The following ATG2A variants were observed in gnomAD, a reference collection of about 807,000 sequenced individuals.
ATG2A encodes the protein autophagy-related protein 2 homolog A.
ATG2A carries 103 observed loss-of-function variants against 214.2 expected under a neutral mutation model. The observed-to-expected ratio is 0.48, with a 90% CI of 0.41 to 0.57. The LOEUF (loss-of-function observed/expected upper bound fraction) is 0.57, where lower values mean the gene tolerates loss of function less well. Ranked by LOEUF, ATG2A falls within the 20% of genes least tolerant of loss-of-function variation. ATG2A has a pLI of 0.00. For synonymous variants in ATG2A, 1,160 were observed against 1,142.1 expected, an observed-to-expected ratio of 1.02 and a Z score of -0.32; for missense variants, 2,312 against 2,613.2, an observed-to-expected ratio of 0.88 and a Z score of 2.51.
intron 1 of ATG2A, among the ~76,000 whole-genome samples, chr11:64,914,907 G>T (rs955759152): frequency 6.6e-6 from 1 of 151,650 alleles, no homozygotes; most frequent in Non-Finnish European, 1.5e-5. Context: ...GGGGGCTGGT[G>T]GGGGGGCCGT....
rs746668228 is a variant in ATG2A at position 64,900,518 on chromosome 11, G to T, written c.4440C>A (p.Val1480=). The T allele has an allele frequency of 3.7e-6, 6 of 1,613,442 alleles. No individual in the cohort carries two copies. The highest frequency in any genetic ancestry group is 1.1e-5 in the South Asian group (1 of 91,084). ...TQGGSGRQHH[V]LMEIQLSKVS... is the part of the protein sequence containing the mutation. ...CCTTGCTCAGCTGGATCTCCATGAG[G>T]ACATGGTGCTGCCGCCCGCTGCCCC... Residue 1480 remains valine, a synonymous_variant, in exon 31 of 41, where the codon GTC becomes GTA. Transcript: ENST00000377264.
At chr11:64,904,329 G>A (rs549414768) in intron 24 of ATG2A, among the ~76,000 whole-genome samples, 4 of 151,836 alleles carry the variant, frequency 2.6e-5, no homozygotes, top group African/African-American at 4.8e-5. Context: ...GGCGGATCAC[G>A]AGGTCAGGAG....
chr11:64,897,795 A>C, intron 35 of ATG2A, 44 bp downstream of exon 35: 1 of 1,614,096 alleles, frequency 6.2e-7, no homozygotes, highest in Non-Finnish European at 8.5e-7. Flanking sequence ...CCTGGCCCCC[A>C]GCAATCTGGC....
rs1347046691 is a variant in ATG2A at position 64,909,685 on chromosome 11, T to C, written c.2103A>G (p.Leu701=). Residue 701 remains leucine (L), a synonymous_variant, in exon 14 of 41, where the codon CTA becomes CTG. Coordinates refer to ENST00000377264, the MANE Select transcript of ATG2A (RefSeq NM_015104.3). ...PTHLELTCSD[L]HGIYEDGGKP... is the part of the protein sequence containing the mutation. ...CTGTCACTCGGGGGCTCTCACCATG[T>C]AGGTCGGAGCAGGTGAGTTCCAGGT... The C allele has an allele frequency of 1.9e-6, 3 of 1,612,134 alleles. No individual in the cohort carries two copies. The highest frequency in any genetic ancestry group is 2.7e-5 in the African/African-American group (2 of 74,912).
At position 64,902,122 on chromosome 11, in the gene ATG2A, C is replaced by T. The variant is rs374678031; in HGVS notation, c.3959G>A (p.Arg1320Gln). The T allele has an allele frequency of 1.6e-5, 26 of 1,613,658 alleles. No individual in the cohort carries two copies. Among genetic ancestry groups the T allele is most frequent in the Non-Finnish European group, 2.0e-5 (24 of 1,179,994 alleles). ...PISVYLFPGE[R>Q]SGAPPPSPPV... Reference sequence around the variant, plus strand: ...TGGTGAAGGGGGTGGGGCCCCACTCCGTTCACCTGGGAATAGGTAGACGGA... The same window carrying T: ...TGGTGAAGGGGGTGGGGCCCCACTCTGTTCACCTGGGAATAGGTAGACGGA... The change falls in exon 29 of 41, where the codon CGG becomes CAG. Residue 1320 changes from arginine to glutamine, a missense_variant. Physicochemically the swap from Arg to Gln is conservative, Grantham distance 43. Coordinates refer to ENST00000377264, the MANE Select transcript of ATG2A (RefSeq NM_015104.3).
Position 64,914,169 on chromosome 11 carries a change from C to A in ATG2A, c.399G>T (p.Gln133His), listed in dbSNP as rs749518537. The A allele has an allele frequency of 1.3e-6, 2 of 1,553,028 alleles. No homozygotes were observed. The highest frequency in any genetic ancestry group is 1.7e-6 in the Non-Finnish European group (2 of 1,148,086). The change falls in exon 3 of 41, where the codon CAG becomes CAT. Residue 133 changes from glutamine (Q) to histidine (H), a missense_variant. Transcript: ENST00000377264. ...SCMTTSLQLA[Q>H]ECLRDGLPEP... ...CCGGTAGCCCATCCCGCAGACACTC[C>A]TGGGCCAGCTGCAGGCTTGTGGTCA...
Position 64,914,338 on chromosome 11 carries a change from C to T in ATG2A, c.334G>A (p.Ala112Thr). Residue 112 changes from alanine to threonine, a missense_variant and splice_region_variant, in exon 2 of 41, where the codon GCG becomes ACG. Transcript: ENST00000377264. Reference protein sequence around the residue: ...QLTLQPRRGPAPGAADSQSWA... With the variant: ...QLTLQPRRGPTPGAADSQSWA... ...GCCCCCAGCCTCGCCCTGCCCTCAC[C>T]TGGACCCCGGCGGGGCTGCAAGGTG... 1.3e-6 allele frequency: 2 copies of T among 1,598,980 alleles called. No individual in the cohort carries two copies. Among genetic ancestry groups the T allele is most frequent in the Non-Finnish European group, 1.7e-6 (2 of 1,173,668 alleles).
rs746274888 is a variant in ATG2A, at chr11:64,917,149, G to A, written c.-14C>T. On this transcript the variant is annotated 5_prime_UTR_variant, in exon 1 of 41. Transcript: ENST00000377264. ...CCATCGTGACATCTCGGAGACCGCC[G>A]GGCCTGGGCCGCCTCCGCTTGCCGC... 4.4e-6 allele frequency: 7 copies of A among 1,584,412 alleles called. No homozygotes were observed. The South Asian group carries it at 6.7e-5, about 15-fold the overall frequency.
rs187066209 is a variant in ATG2A at position 64,898,741 on chromosome 11, G to A, written c.4566C>T (p.Ile1522=). Residue 1522 remains isoleucine, a synonymous_variant, in exon 32 of 41, where the codon ATC becomes ATT. Transcript: ENST00000377264. The surrounding 1 kb of genome is among the most constrained non-coding windows in gnomAD (Gnocchi z 4.5). ...EERPLSRQVF[I]VQELEVRDRL... is the part of the protein sequence containing the mutation. ...GGTCTCGGACCTCCAGCTCCTGCAC[G>A]ATGAACACCTGACGGGACAGCGGTC... The A allele has an allele frequency of 2.1e-5, 34 of 1,614,078 alleles. No homozygotes were observed. In the African/African-American group the frequency reaches 2.4e-4, roughly 11 times the overall value.
Position 64,903,602 on chromosome 11 carries a change from C to A in ATG2A, c.3523G>T (p.Asp1175Tyr). ...CGGCCCTGCCCACCTCGCCGCAGGTCCAGGGTCTCCACCTCACACTTGTCG... is the reference window on the plus strand; with the variant it reads ...CGGCCCTGCCCACCTCGCCGCAGGTACAGGGTCTCCACCTCACACTTGTCG... Reference protein sequence around the residue: ...LSDKCEVETLDLRRDYVCVLD... With the variant: ...LSDKCEVETLYLRRDYVCVLD... Residue 1175 changes from aspartate to tyrosine, a missense_variant, in exon 25 of 41, where the codon GAC becomes TAC. By Grantham distance (160) the Asp-to-Tyr change is radical (BLOSUM62 -3). Transcript: ENST00000377264. The surrounding 1 kb of genome is among the most constrained non-coding windows in gnomAD (Gnocchi z 4.2). 6.5e-7 allele frequency: 1 copy of A among 1,549,496 alleles called. No individual in the cohort carries two copies. Among genetic ancestry groups the A allele is most frequent in the Non-Finnish European group, 8.7e-7 (1 of 1,146,160 alleles).
At position 64,916,988 on chromosome 11, in the gene ATG2A, G is replaced by T; in HGVS notation, c.148C>A (p.Arg50=). ...LDLYKGSVAL[R]DIHLEIWSVN... ...ACCCAGATTTCCAGGTGGATGTCTCGCAGGGCAACGCTGCCCTTGTACAGA... is the reference window on the plus strand; with the variant it reads ...ACCCAGATTTCCAGGTGGATGTCTCTCAGGGCAACGCTGCCCTTGTACAGA... Residue 50 remains arginine (R), a synonymous_variant, in exon 1 of 41, where the codon CGA becomes AGA. Coordinates refer to ENST00000377264, the MANE Select transcript of ATG2A (RefSeq NM_015104.3). The T allele has an allele frequency of 6.2e-7, 1 of 1,613,608 alleles. No individual in the cohort carries two copies. Among genetic ancestry groups the T allele is most frequent in the South Asian group, 1.1e-5 (1 of 91,086 alleles).
intron 30 of ATG2A, 73 bp from the exon 31 acceptor site, chr11:64,900,702 G>T: frequency 6.7e-7 from 1 of 1,487,618 alleles, no homozygotes. Context: ...GGGCCTTTTA[G>T]CCTGGGACAA....
chr11:64,908,281 G>A (rs181893446), intron 16 of ATG2A, among the ~76,000 whole-genome samples: 109 of 152,312 alleles, frequency 7.2e-4, no homozygotes, highest in African/African-American at 1.9e-3. Flanking sequence ...GGCCAGGTGC[G>A]GTGGCTCATG....
intron 1 of ATG2A, among the ~76,000 whole-genome samples, chr11:64,916,167 C>G (rs1403314232): frequency 2.0e-5 from 3 of 152,202 alleles, no homozygotes; most frequent in Non-Finnish European, 4.4e-5. Flanking sequence ...GGCTCCTCAC[C>G]GTTCCCAGCC....
chr11:64,903,808 G>A lies in ATG2A; in HGVS notation c.3465-148C>T, dbSNP rs538395499. 99 of 723,750 alleles carry A rather than the reference G, an allele frequency of 1.4e-4. No individual in the cohort carries two copies. The African/African-American group carries it at 1.6e-3, about 12-fold the overall frequency. The allele number at this position is 723,750 out of a possible 1,614,324, so 44.8% of individuals were successfully genotyped here. A position where few individuals can be genotyped will look rare whatever the true frequency, so the allele number is the denominator to read the frequency against. ...TTCCTGCCTGCACAATGGGGAGAAG[G>A]CCCAGACAGCAGGCAGTGGGAAGCG... On this transcript the variant is annotated intron_variant, in intron 24 of 40. Coordinates refer to ENST00000377264, the MANE Select transcript of ATG2A (RefSeq NM_015104.3). This position sits in a 1 kb window ranked among gnomAD's most constrained non-coding sequence, Gnocchi z 4.2.
chr11:64,905,548 G>A lies in ATG2A; in HGVS notation c.3464+15C>T. 6.2e-7 allele frequency: 1 copy of A among 1,604,688 alleles called. No individual in the cohort carries two copies. Among genetic ancestry groups the A allele is most frequent in the Non-Finnish European group, 8.5e-7 (1 of 1,176,048 alleles). ...GGCGAGGGTGGGATGGCCCAGTGTG[G>A]GGCGGCCTGCATACCTGAGCAGGAA... On this transcript the variant is annotated intron_variant, in intron 24 of 40. Transcript: ENST00000377264.
intron 24 of ATG2A, among the ~76,000 whole-genome samples, chr11:64,904,208 T>C (rs186026748): frequency 6.5e-4 from 99 of 151,692 alleles, no homozygotes; most frequent in Non-Finnish European, 1.2e-3. Context: ...ATCACACCAC[T>C]GCACTCTAGC....
chr11:64,910,303 G>A, intron 12 of ATG2A, 108 bp from the exon 13 acceptor site: 1 of 1,438,662 alleles, frequency 7.0e-7, no homozygotes, highest in Non-Finnish European at 9.2e-7. Context: ...GGCCACGAGA[G>A]CACTAAGAAG....
rs1454726139 is a variant in ATG2A, at chr11:64,898,146, A to T, written c.4798T>A (p.Phe1600Ile). 6.2e-7 allele frequency: 1 copy of T among 1,614,138 alleles called. No individual in the cohort carries two copies. The highest frequency in any genetic ancestry group is 1.1e-5 in the South Asian group (1 of 91,086). Residue 1600 changes from phenylalanine to isoleucine, a missense_variant, in exon 34 of 41, where the codon TTC (phenylalanine) becomes ATC (isoleucine). Coordinates refer to ENST00000377264, the MANE Select transcript of ATG2A (RefSeq NM_015104.3). The surrounding 1 kb of genome is among the most constrained non-coding windows in gnomAD (Gnocchi z 4.5). ...ATGCCGGCCACCAGACTAGTGAAGA[A>T]GTCCTTGAGGAAGAAGAGGGCATCC... is the stretch of plus-strand genomic sequence containing the variant. ...DQDALFFLKD[F>I]FTSLVAGINP...
Sources: allele counts gnomAD v4.1 joint callset (sites outside exome capture counted in the v4.1 genomes callset), GRCh38; gene constraint gnomAD v4.1.1; non-coding constraint Gnocchi (gnomAD v3.1); transcripts MANE v1.5; gene names NCBI Gene and HGNC (gene_info 2026-07-23, HGNC 2026-07-21).